Variants in MED16 observed in about 807,000 individuals in gnomAD.
MED16 encodes the protein mediator of RNA polymerase II transcription subunit 16.
A neutral mutation model predicts 84.4 loss-of-function variants in MED16; 81 were observed. That is an observed-to-expected ratio of 0.96 (90% CI 0.80 to 1.15). The LOEUF (loss-of-function observed/expected upper bound fraction) is 1.15, where lower values mean the gene tolerates loss of function less well. MED16 is among the 50% of genes most tolerant of loss of function. The pLI is 0.00. For synonymous variants in MED16, 897 were observed against 552.2 expected (o/e 1.62, Z -8.76); for missense variants, 1,585 against 1,245.9 (o/e 1.27, Z -4.10).
rs772479670 is a variant in MED16, at chr19:885,032, G to C, written c.880-24C>G. The C allele has an allele frequency of 1.9e-5, 29 of 1,554,396 alleles. No homozygotes were observed. The South Asian group carries it at 3.3e-4, about 18-fold the overall frequency. ...ACCTGCGGGGGAGGTGGGGGTGAGG[G>C]CTGACCCGGCACTGCTGTGGTGGCC... is the stretch of plus-strand genomic sequence containing the variant. On this transcript the variant is annotated intron_variant, in intron 5 of 15. Transcript: ENST00000325464.
At chr19:872,902 A>G (rs1312962613) in intron 11 of MED16, 1 of 996,794 alleles carries the variant, frequency 1.0e-6, no homozygotes, top group African/African-American at 1.8e-5. Context: ...GGCCAAGGAA[A>G]GGCTTCTTAC....
At chr19:878,578 G>A (rs2036327170) in intron 8 of MED16, among the ~76,000 whole-genome samples, 3 of 86,598 alleles carry the variant, frequency 3.5e-5, no homozygotes, top group Admixed American at 3.2e-4. Context: ...AGCCCCACAT[G>A]CCCCAGCAGC....
chr19:870,265 G>C (rs1037354561), intron 13 of MED16, among the ~76,000 whole-genome samples: 2 of 152,130 alleles, frequency 1.3e-5, no homozygotes, highest in Non-Finnish European at 2.9e-5. Flanking sequence ...ACACAATCAG[G>C]AAACACCAAG....
At chr19:876,410 G>A (rs985989204) in intron 9 of MED16, among the ~76,000 whole-genome samples, 1 of 152,090 alleles carries the variant, frequency 6.6e-6, no homozygotes, top group African/African-American at 2.4e-5. Flanking sequence ...TCACACCACA[G>A]GGCCACCGGG....
At chr19:871,536 A>T (rs1426387838) in intron 12 of MED16, 1 of 1,576,742 alleles carries the variant, frequency 6.3e-7, no homozygotes, top group African/African-American at 1.3e-5. Context: ...AGACACTGGG[A>T]TGTAAGAATG....
Position 868,249 on chromosome 19 carries a change from G to A in MED16, c.2486C>T (p.Ala829Val), listed in dbSNP as rs771060779. The change falls in exon 16 of 16, where the codon GCT (alanine) becomes GTT (valine). Residue 829 changes from alanine (A) to valine (V), a missense_variant and splice_region_variant. Physicochemically the swap from Ala to Val is moderately conservative, Grantham distance 64 (BLOSUM62 0). Coordinates refer to ENST00000325464, the MANE Select transcript of MED16 (RefSeq NM_005481.3). ...WEQRWIKNCL[A>V]VEGRGPDACV... ...GGCGTCCGGCCCACGGCCTTCAACA[G>A]CCCTGCAGGGCGGGCTGAGGTTAAC... 3 of 1,593,800 alleles carry A rather than the reference G, an allele frequency of 1.9e-6. No homozygotes were observed. In the South Asian group the frequency reaches 3.4e-5, roughly 18 times the overall value.
chr19:879,611 GCCCCCCAAGCCCAGCCCCACGTGC>G (rs2036365195), intron 8 of MED16, among the ~76,000 whole-genome samples: 2 of 109,102 alleles, frequency 1.8e-5, no homozygotes, highest in Non-Finnish European at 3.6e-5. Flanking sequence ...GGTTGTCAAT[GCCCCCCAAGCCCAGCCCCACGTGC>G]CCCAGCAGCT....
chr19:869,801 G>A (rs542033613), intron 13 of MED16, among the ~76,000 whole-genome samples: 3 of 152,338 alleles, frequency 2.0e-5, no homozygotes, highest in East Asian at 1.9e-4. Context: ...GTGGCTCAGA[G>A]GGTTTGCATG....
chr19:883,718 C>T lies in MED16; in HGVS notation c.985+1185G>A, dbSNP rs894395413. ...GCTGTGGGCAGATGGTAGACACAGA[C>T]GTGCCCAGCGGGGGCACCGGGCAGT... On this transcript the variant is annotated intron_variant, in intron 6 of 15. Coordinates refer to ENST00000325464, the MANE Select transcript of MED16 (RefSeq NM_005481.3). Among the ~76,000 whole-genome samples the T allele has an allele frequency of 6.6e-5, 10 of 152,210 alleles. 1 individual carries two copies. In the East Asian group the frequency reaches 7.7e-4, roughly 12 times the overall value.
Position 871,987 on chromosome 19 carries a change from G to A in MED16, c.2037C>T (p.Thr679=), listed in dbSNP as rs78047294. 367,170 of 1,607,596 alleles carry A rather than the reference G, an allele frequency of 0.23. 44,554 individuals carry two copies. Among genetic ancestry groups the A allele is most frequent in the Middle Eastern group, 0.25 (1,529 of 6,048 alleles). ...GGGACATGCTGTCCTGGGTATCCGA[G>A]GTGGCCGTATACACGGGCAGGCAGC... ...KPSCLPVYTA[T]SDTQDSMSLL... is the part of the protein sequence containing the mutation. The change falls in exon 12 of 16, where the codon ACC becomes ACT. Residue 679 remains threonine (T), a synonymous_variant. Coordinates refer to ENST00000325464, the MANE Select transcript of MED16 (RefSeq NM_005481.3).
intron 6 of MED16, among the ~76,000 whole-genome samples, chr19:883,354 G>A (rs1410917576): frequency 1.4e-5 from 2 of 145,150 alleles, no homozygotes; most frequent in Non-Finnish European, 3.0e-5. Context: ...CCGAAGCCTG[G>A]CACGGTGGGC....
chr19:869,381 G>C (rs1056568825), intron 13 of MED16, among the ~76,000 whole-genome samples: 1 of 143,058 alleles, frequency 7.0e-6, no homozygotes, highest in Admixed American at 6.9e-5. Context: ...ACCTCTGAAC[G>C]ACAAGATTCT....
At chr19:877,306 C>T in intron 8 of MED16, 126 bp from the exon 9 acceptor site, 1 of 814,580 alleles carries the variant, frequency 1.2e-6, no homozygotes, top group Non-Finnish European at 1.9e-6. Flanking sequence ...GTGTGTGGGC[C>T]TGTGTGCGCG....
At chr19:883,007 G>A (rs1053914684) in intron 6 of MED16, among the ~76,000 whole-genome samples, 2 of 152,212 alleles carry the variant, frequency 1.3e-5, no homozygotes, top group Non-Finnish European at 2.9e-5. Context: ...AGGAAAGACA[G>A]GAAACTCAAC....
At position 875,319 on chromosome 19, in the gene MED16, G is replaced by A; in HGVS notation, c.1696C>T (p.Pro566Ser). ...ISSTLKSLLR[P>S]HFLNTPDKSP... ...TTGTCAGGCGTGTTGAGAAAGTGGGGGCGCAGCAGCGACTTCAGGGTGGAG... is the reference window on the plus strand; with the variant it reads ...TTGTCAGGCGTGTTGAGAAAGTGGGAGCGCAGCAGCGACTTCAGGGTGGAG... The change falls in exon 10 of 16, where the codon CCC becomes TCC. Residue 566 changes from proline (P) to serine (S), a missense_variant. Physicochemically the swap from Pro to Ser is moderately conservative, Grantham distance 74 (BLOSUM62 -1). Coordinates refer to ENST00000325464, the MANE Select transcript of MED16 (RefSeq NM_005481.3). 1.2e-6 allele frequency: 2 copies of A among 1,610,932 alleles called. No individual in the cohort carries two copies. Among genetic ancestry groups the A allele is most frequent in the Non-Finnish European group, 1.7e-6 (2 of 1,179,830 alleles).
chr19:890,896 G>T, intron 2 of MED16, 67 bp downstream of exon 2: 1 of 1,536,514 alleles, frequency 6.5e-7, no homozygotes, highest in Non-Finnish European at 8.8e-7. Flanking sequence ...GCAGTGGGCC[G>T]GGCACCTGGG....
In MED16 at chr19:880,118, A is replaced by T; in HGVS notation, c.1172T>A (p.Val391Asp). The change falls in exon 8 of 16, where the codon GTC becomes GAC. Residue 391 changes from valine (V) to aspartate (D), a missense_variant. Coordinates refer to ENST00000325464, the MANE Select transcript of MED16 (RefSeq NM_005481.3). ...GLALAFHDGS[V>D]HIVHRLSLQT... Reference sequence around the variant, plus strand: ...CAGTGAGAGCCGGTGCACGATGTGGACGCTGCCGTCGTGGAAGGCCAGGGC... The same window carrying T: ...CAGTGAGAGCCGGTGCACGATGTGGTCGCTGCCGTCGTGGAAGGCCAGGGC... 6.2e-7 allele frequency: 1 copy of T among 1,610,020 alleles called. No individual in the cohort carries two copies. The highest frequency in any genetic ancestry group is 8.5e-7 in the Non-Finnish European group (1 of 1,179,280).
chr19:883,750 G>A (rs1888100303), intron 6 of MED16, among the ~76,000 whole-genome samples: 1 of 152,020 alleles, frequency 6.6e-6, no homozygotes, highest in Non-Finnish European at 1.5e-5. Context: ...CAGTGAAGGT[G>A]CAGGTCTGTG....
intron 6 of MED16, among the ~76,000 whole-genome samples, chr19:883,533 T>G (rs2036463125): frequency 6.6e-6 from 1 of 152,092 alleles, no homozygotes; most frequent in South Asian, 2.1e-4. Flanking sequence ...CGGTGGGGAC[T>G]GTCCCAGTGA....
Sources: allele counts gnomAD v4.1 joint callset (sites outside exome capture counted in the v4.1 genomes callset), GRCh38; gene constraint gnomAD v4.1.1; transcripts MANE v1.5; gene names NCBI Gene and HGNC (gene_info 2026-07-23, HGNC 2026-07-21).